The following COL27A1 variants were observed in gnomAD, a reference collection of about 807,000 sequenced individuals.
COL27A1 encodes collagen alpha-1(XXVII) chain.
COL27A1 carries 106 observed loss-of-function variants against 251.3 expected under a neutral mutation model. The observed-to-expected ratio is 0.42, with a 90% CI of 0.36 to 0.50. COL27A1 has a LOEUF of 0.50. COL27A1 is among the 20% of genes least tolerant of loss of function. The pLI is 0.00. For synonymous variants in COL27A1, 1,000 were observed against 986.3 expected, an observed-to-expected ratio of 1.01 and a Z score of -0.26; for missense variants, 2,325 against 2,522.8, an observed-to-expected ratio of 0.92 and a Z score of 1.68.
At chr9:114,218,759 C>T (rs1830878195) in intron 12 of COL27A1, among the ~76,000 whole-genome samples, 1 of 152,038 alleles carries the variant, frequency 6.6e-6, no homozygotes, top group Non-Finnish European at 1.5e-5. Context: ...ACACACATTT[C>T]AAGGTGTCTT....
intron 3 of COL27A1, among the ~76,000 whole-genome samples, chr9:114,177,602 C>A (rs1046415859): frequency 6.6e-6 from 1 of 152,190 alleles, no homozygotes; most frequent in African/African-American, 2.4e-5. Flanking sequence ...TCTCTCATGT[C>A]ATCCTTGGAA....
intron 1 of COL27A1, among the ~76,000 whole-genome samples, chr9:114,159,236 ACTT>A (rs1007520531): frequency 2.0e-5 from 3 of 152,152 alleles, no homozygotes; most frequent in African/African-American, 4.8e-5. Flanking sequence ...TCTCCTGTGG[ACTT>A]CTTCTTCCTG....
At chr9:114,222,392 C>T in intron 14 of COL27A1, 125 bp downstream of exon 14, 2 of 903,856 alleles carry the variant, frequency 2.2e-6, no homozygotes, top group Non-Finnish European at 3.3e-6. Context: ...CATCAAACCC[C>T]CAGAGGGGCT....
intron 3 of COL27A1, among the ~76,000 whole-genome samples, chr9:114,174,964 G>A (rs1827294820): frequency 4.6e-5 from 1 of 21,806 alleles, no homozygotes; most frequent in South Asian, 2.7e-3. Flanking sequence ...CATTGCTCAG[G>A]GTCACATGGT....
In COL27A1 at chr9:114,254,396, T is replaced by C. The variant is rs1005969546; in HGVS notation, c.3141+1464T>C. Among the ~76,000 whole-genome samples, 7 of 152,082 alleles carry C rather than the reference T, an allele frequency of 4.6e-5. No individual in the cohort carries two copies. The East Asian group carries it at 1.4e-3, about 29-fold the overall frequency. On this transcript the variant is annotated intron_variant, in intron 27 of 60. Transcript: ENST00000356083. Reference sequence around the variant, plus strand: ...GCAGGGGGTGGGGGTGGGCTTGCTCTCATTTGGAGCAGGTAGAACTTGCTT... The same window carrying C: ...GCAGGGGGTGGGGGTGGGCTTGCTCCCATTTGGAGCAGGTAGAACTTGCTT...
At chr9:114,234,869 C>G (rs1832246280) in intron 16 of COL27A1, among the ~76,000 whole-genome samples, 1 of 151,270 alleles carries the variant, frequency 6.6e-6, no homozygotes, top group Admixed American at 6.6e-5. Context: ...GAGTTCAAGA[C>G]CAGCTTGGGC....
At chr9:114,308,355 C>T (rs1829206972) in intron 59 of COL27A1, among the ~76,000 whole-genome samples, 3 of 152,204 alleles carry the variant, frequency 2.0e-5, no homozygotes, top group Admixed American at 2.0e-4. Flanking sequence ...ATTTATGCCA[C>T]AGTGAGAAGC....
At chr9:114,301,178 T>C in intron 52 of COL27A1, 53 bp downstream of exon 52, 1 of 1,611,720 alleles carries the variant, frequency 6.2e-7, no homozygotes, top group Non-Finnish European at 8.5e-7. Flanking sequence ...CCTTCCTGGC[T>C]CCAGATTGTC....
rs933808532 is a variant in COL27A1 at position 114,155,734 on chromosome 9, G to T, written c.-217G>T. On this transcript the variant is annotated 5_prime_UTR_variant, in exon 1 of 61. Transcript: ENST00000356083. The surrounding 1 kb of genome is among the most constrained non-coding windows in gnomAD (Gnocchi z 5.5). Reference sequence around the variant, plus strand: ...GGACCGAGGCAGGGGCGAGCGCGGCGCCCGGACTCCTGGGACCATGGGCCT... The same window carrying T: ...GGACCGAGGCAGGGGCGAGCGCGGCTCCCGGACTCCTGGGACCATGGGCCT... 2.0e-5 allele frequency: 3 copies of T among 153,632 alleles called. No individual in the cohort carries two copies. Among genetic ancestry groups the T allele is most frequent in the Admixed American group, 6.6e-5 (1 of 15,136 alleles). The allele number at this position is 153,632 out of a possible 1,614,324, so 9.5% of individuals were successfully genotyped here.
intron 14 of COL27A1, among the ~76,000 whole-genome samples, chr9:114,228,584 C>T (rs150798859): frequency 1.1e-4 from 16 of 152,326 alleles, no homozygotes; most frequent in Admixed American, 7.2e-4. Flanking sequence ...AGCGGTGCCC[C>T]GACTCCGTGA....
At chr9:114,242,127 C>T in intron 21 of COL27A1, 60 bp from the exon 22 acceptor site, 1 of 1,448,510 alleles carries the variant, frequency 6.9e-7, no homozygotes, top group Non-Finnish European at 9.4e-7. Flanking sequence ...GACAAGATCT[C>T]TGCAAGTCCA....
intron 59 of COL27A1, 42 bp from the exon 60 acceptor site, chr9:114,309,218 G>C (rs368298746): frequency 5.1e-6 from 8 of 1,567,806 alleles, no homozygotes; most frequent in African/African-American, 2.7e-5. Context: ...TGGGGGGTGT[G>C]GGGGGCAGCC....
chr9:114,283,852 C>T, intron 40 of COL27A1, 90 bp downstream of exon 40: 5 of 1,318,272 alleles, frequency 3.8e-6, no homozygotes, highest in Non-Finnish European at 5.4e-6. Context: ...CACCACCTCC[C>T]AGCTGAAGGC....
At chr9:114,265,142 A>T in intron 31 of COL27A1, 32 bp downstream of exon 31, 3 of 764,670 alleles carry the variant, frequency 3.9e-6, no homozygotes, top group Non-Finnish European at 6.2e-6. Context: ...AATTCTCTAC[A>T]TGGGGCTTTT....
rs192288354 is a variant in COL27A1, at chr9:114,237,174, T to C, written c.2673+140T>C. On this transcript the variant is annotated intron_variant, in intron 18 of 60. Transcript: ENST00000356083. ...GGGGGCAAGCAGGGCAGGGCAGGAA[T>C]GGGATGTGCTCATTTCACAGATGAG... The C allele has an allele frequency of 1.3e-5, 10 of 758,326 alleles. No homozygotes were observed. In the African/African-American group the frequency reaches 1.4e-4, roughly 11 times the overall value. 47.0% of individuals were successfully genotyped at this position (758,326 alleles called of 1,614,324 possible).
At chr9:114,265,248 G>C in intron 31 of COL27A1, 138 bp downstream of exon 31, 1 of 1,106,412 alleles carries the variant, frequency 9.0e-7, no homozygotes, top group Non-Finnish European at 1.3e-6. Flanking sequence ...TTGCCCACCT[G>C]CCCTGCACTG....
rs117957431 is a variant in COL27A1, at chr9:114,300,944, G to A, written c.4702-128G>A. The A allele has an allele frequency of 2.6e-3, 2,442 of 941,886 alleles. 23 individuals are homozygous for A. The highest frequency in any genetic ancestry group is 0.021 in the Admixed American group (844 of 39,790). 58.3% of individuals were successfully genotyped at this position (941,886 alleles called of 1,614,324 possible). A position where few individuals can be genotyped will look rare whatever the true frequency, so the allele number is the denominator to read the frequency against. ...AAATGAGGGGCTCAGGAGATGCATGGCCTGGGCCCGCTTCAGATGGTCTCC... is the reference window on the plus strand; with the variant it reads ...AAATGAGGGGCTCAGGAGATGCATGACCTGGGCCCGCTTCAGATGGTCTCC... On this transcript the variant is annotated intron_variant, in intron 51 of 60. Coordinates refer to ENST00000356083, the MANE Select transcript of COL27A1 (RefSeq NM_032888.4).
intron 2 of COL27A1, among the ~76,000 whole-genome samples, chr9:114,166,398 C>CCATCCATCCGTCCATCCAT (rs1347413059): frequency 1.2e-4 from 18 of 144,612 alleles, no homozygotes; most frequent in Non-Finnish European, 1.7e-4. Context: ...CATCCATCCA[C>CCATCCATCCGTCCATCCAT]CCACCCACCT....
chr9:114,157,050 C>T (rs940692938), intron 1 of COL27A1, among the ~76,000 whole-genome samples: 3 of 151,338 alleles, frequency 2.0e-5, no homozygotes, highest in Non-Finnish European at 4.4e-5. Flanking sequence ...GTTTGCGATT[C>T]CCCCGCCCCG....
Sources: allele counts gnomAD v4.1 joint callset (sites outside exome capture counted in the v4.1 genomes callset), GRCh38; gene constraint gnomAD v4.1.1; non-coding constraint Gnocchi (gnomAD v3.1); transcripts MANE v1.5; gene names NCBI Gene and HGNC (gene_info 2026-07-23, HGNC 2026-07-21).